HMGB3: variants seen among roughly 807,000 people sequenced by gnomAD.
HMGB3 encodes high mobility group protein B3.
Under a neutral mutation model 12.9 loss-of-function variants are expected in HMGB3, and 1 was observed. That is an observed-to-expected ratio of 0.08 (90% CI 0.03 to 0.37). HMGB3 has a LOEUF of 0.37. Ranked by LOEUF, HMGB3 falls within the 10% of genes least tolerant of loss-of-function variation. The pLI is 0.99. For synonymous variants in HMGB3, 61 were observed against 53.9 expected (o/e 1.13, Z -0.57); for missense variants, 74 against 153.3 (o/e 0.48, Z 2.73).
intron 3 of HMGB3, among the ~76,000 whole-genome samples, chrX:150,986,837 G>A (rs899535004): frequency 1.8e-5 from 2 of 110,914 alleles, no homozygotes; most frequent in Non-Finnish European, 3.8e-5. Context: ...AGTAGAGACG[G>A]GGTTTCTCCA....
In HMGB3 at chrX:150,987,322, C is replaced by A; in HGVS notation, c.465+20C>A. Reference sequence around the variant, plus strand: ...GAGAAGGTAAGGTGGGGCTGGAAGCCTGGACTGGTGAACAGGCAGTGGTTC... The same window carrying A: ...GAGAAGGTAAGGTGGGGCTGGAAGCATGGACTGGTGAACAGGCAGTGGTTC... On this transcript the variant is annotated intron_variant, in intron 4 of 4. Coordinates refer to ENST00000325307, the MANE Select transcript of HMGB3 (RefSeq NM_005342.4). 3 of 1,181,839 alleles carry A rather than the reference C, an allele frequency of 2.5e-6. No individual in the cohort carries two copies.
At chrX:150,986,770 A>G (rs782621729) in intron 3 of HMGB3, among the ~76,000 whole-genome samples, 1 of 110,707 alleles carries the variant, frequency 9.0e-6, no homozygotes, top group African/African-American at 3.3e-5. Context: ...CAGCCTCCTG[A>G]GTAGCTGGGA....
intron 1 of HMGB3, chrX:150,984,682 C>G (rs1557425190): frequency 2.5e-6 from 1 of 396,874 alleles, no homozygotes; most frequent in Non-Finnish European, 3.2e-6. Flanking sequence ...CTGCCTGCTG[C>G]CGGCCGGGAC....
chrX:150,989,580 G>A lies in HMGB3; in HGVS notation c.*1666G>A, dbSNP rs1206229817. ...CATTTTATCCAGGTTGGGGTGAGGG[G>A]AGATGGCCACAGTAGCAAGTGGTGA... On this transcript the variant is annotated 3_prime_UTR_variant, in exon 5 of 5. Coordinates refer to ENST00000325307, the MANE Select transcript of HMGB3 (RefSeq NM_005342.4). 2.7e-5 allele frequency: 3 copies of A among 111,294 alleles called. No individual in the cohort carries two copies. Among genetic ancestry groups the A allele is most frequent in the African/African-American group, 9.8e-5 (3 of 30,552 alleles). The allele number at this position is 111,294 out of a possible 1,213,427, so 9.2% of individuals were successfully genotyped here. A position where few individuals can be genotyped will look rare whatever the true frequency, so the allele number is the denominator to read the frequency against.
chrX:150,989,293 GGGGTA>G lies in HMGB3; in HGVS notation c.*1383_*1387del, dbSNP rs1264958342. 9.0e-6 allele frequency: 1 copy of G among 111,058 alleles called. No individual in the cohort carries two copies. The highest frequency in any genetic ancestry group is 1.9e-5 in the Non-Finnish European group (1 of 53,035). The allele number at this position is 111,058 out of a possible 1,213,427, so 9.2% of individuals were successfully genotyped here. A position where few individuals can be genotyped will look rare whatever the true frequency, so the allele number is the denominator to read the frequency against. ...GTGAGGGTATGTGGGATGGGGTGGT[GGGGTA>G]GGGGACGGTATCCTTTTTTTGCTCC... On this transcript the variant is annotated 3_prime_UTR_variant, in exon 5 of 5. Transcript: ENST00000325307.
upstream of HMGB3, chrX:150,983,297 G>C (rs1366027266): frequency 1.3e-6 from 1 of 754,190 alleles, no homozygotes; most frequent in Non-Finnish European, 1.6e-6. Context: ...GGCGGCTCTC[G>C]TGGAGGCAGC....
intron 1 of HMGB3, among the ~76,000 whole-genome samples, chrX:150,983,752 A>G (rs1340957189): frequency 1.4e-4 from 15 of 107,154 alleles, no homozygotes; most frequent in African/African-American, 5.0e-4. Flanking sequence ...CTGGGCGAGC[A>G]GAGGGGCGGC....
At chrX:150,985,121 G>T (rs1180450279) in intron 1 of HMGB3, among the ~76,000 whole-genome samples, 1 of 111,569 alleles carries the variant, frequency 9.0e-6, no homozygotes, top group Non-Finnish European at 1.9e-5. Flanking sequence ...TAGTTCTCCT[G>T]CTTTGGTCTT....
intron 1 of HMGB3, among the ~76,000 whole-genome samples, chrX:150,985,301 C>T (rs2048041064): frequency 8.9e-6 from 1 of 112,171 alleles, no homozygotes; most frequent in Admixed American, 9.4e-5. Context: ...GTTCTGTAAA[C>T]GTAACACTGA....
At chrX:150,984,577 G>A in intron 1 of HMGB3, 2 of 748,451 alleles carry the variant, frequency 2.7e-6, no homozygotes, top group Non-Finnish European at 3.2e-6. Flanking sequence ...GACAGCGGCG[G>A]ATTTCAGGGG....
chrX:150,980,577 C>A (rs781813348), upstream of HMGB3: 12 of 739,150 alleles, frequency 1.6e-5, no homozygotes, highest in Non-Finnish European at 1.8e-5. Flanking sequence ...GAGCAGAGAT[C>A]GAAATATTTC....
upstream of HMGB3, chrX:150,980,650 T>C: frequency 6.8e-6 from 5 of 731,671 alleles, no homozygotes; most frequent in Non-Finnish European, 8.1e-6. Flanking sequence ...TCGAAGTATG[T>C]GGGGAGAAAT....
At chrX:150,983,587 T>C (rs1378061523) in intron 1 of HMGB3, 1 of 749,257 alleles carries the variant, frequency 1.3e-6, no homozygotes, top group Admixed American at 8.8e-5. Flanking sequence ...GAAGAAGCAA[T>C]TCAGGTGTTT....
chrX:150,983,532 C>T, intron 1 of HMGB3, 156 bp downstream of exon 1: 2 of 736,484 alleles, frequency 2.7e-6, no homozygotes, highest in Non-Finnish European at 3.2e-6. Flanking sequence ...CTCCCCATTC[C>T]CTTCCCGCCC....
chrX:150,984,322 CGGGCGGGGCG>C (rs1257232474), intron 1 of HMGB3, among the ~76,000 whole-genome samples: 6 of 62,025 alleles, frequency 9.7e-5, no homozygotes, highest in African/African-American at 1.7e-4. Flanking sequence ...CCGGGCGGCC[CGGGCGGGGCG>C]GGGCGGGGCG....
At position 150,988,890 on chromosome X, in the gene HMGB3, C is replaced by T. The variant is rs927514182; in HGVS notation, c.*976C>T. ...GCTTCTTTTATTACTCAGTGGCCAG[C>T]TCACTTAGGGCTGAGATGAAGGAGA... On this transcript the variant is annotated 3_prime_UTR_variant, in exon 5 of 5. Coordinates refer to ENST00000325307, the MANE Select transcript of HMGB3 (RefSeq NM_005342.4). 8.1e-5 allele frequency: 9 copies of T among 111,737 alleles called. No homozygotes were observed. The highest frequency in any genetic ancestry group is 2.6e-4 in the African/African-American group (8 of 30,672). The allele number at this position is 111,737 out of a possible 1,213,427, so 9.2% of individuals were successfully genotyped here. A position where few individuals can be genotyped will look rare whatever the true frequency, so the allele number is the denominator to read the frequency against.
intron 1 of HMGB3, among the ~76,000 whole-genome samples, chrX:150,984,890 T>A (rs1299841298): frequency 8.9e-6 from 1 of 112,079 alleles, no homozygotes; most frequent in African/African-American, 3.2e-5. Context: ...TTTGGAAACT[T>A]TGGAGAAAGT....
Position 150,988,772 on chromosome X carries a change from CTTCTCTA to C in HMGB3, c.*861_*867del, listed in dbSNP as rs1484274534. The C allele has an allele frequency of 2.7e-5, 3 of 112,170 alleles. No homozygotes were observed. In the East Asian group the frequency reaches 8.4e-4, roughly 31 times the overall value. 9.2% of individuals were successfully genotyped at this position (112,170 alleles called of 1,213,427 possible). A position where few individuals can be genotyped will look rare whatever the true frequency, so the allele number is the denominator to read the frequency against. The stretch of plus-strand genomic sequence containing the variant: ...TAAACAGTATTACATTTTTAAAACT[CTTCTCTA>C]TTATAACAGTCAATTTCTGACTCAC... On this transcript the variant is annotated 3_prime_UTR_variant, in exon 5 of 5. Coordinates refer to ENST00000325307, the MANE Select transcript of HMGB3 (RefSeq NM_005342.4).
At chrX:150,984,758 G>A (rs2048034276) in intron 1 of HMGB3, 1 of 118,476 alleles carries the variant, frequency 8.4e-6, no homozygotes, top group Non-Finnish European at 1.7e-5. Flanking sequence ...AGCCTCCTGG[G>A]CGGCTGCTGC....
Sources: gnomAD v4.1 joint callset for allele counts (sites outside exome capture counted in the v4.1 genomes callset) on GRCh38, gnomAD v4.1.1 for gene constraint, MANE v1.5 for transcripts, NCBI Gene and HGNC (gene_info 2026-07-23, HGNC 2026-07-21) for gene names.